The following KCNIP1 variants were observed in gnomAD, a reference collection of about 807,000 sequenced individuals.
The protein encoded by KCNIP1 is potassium voltage-gated channel interacting protein 1, also known as A-type potassium channel modulatory protein KCNIP1.
Under a neutral mutation model 33.0 loss-of-function variants are expected in KCNIP1, and 18 were observed. That is an observed-to-expected ratio of 0.55 (90% CI 0.38 to 0.81). The LOEUF (loss-of-function observed/expected upper bound fraction) is 0.81, where lower values mean the gene tolerates loss of function less well. Ranked by LOEUF, KCNIP1 falls within the 30% of genes least tolerant of loss-of-function variation. The pLI is 0.00. For missense variants in KCNIP1, 238 were observed against 271.6 expected, an observed-to-expected ratio of 0.88 and a Z score of 0.87; for synonymous variants, 93 against 98.3, an observed-to-expected ratio of 0.95 and a Z score of 0.32.
chr5:170,460,320 C>A (rs186039727), intron 1 of KCNIP1, among the ~76,000 whole-genome samples: 214 of 152,182 alleles, frequency 1.4e-3, no homozygotes, highest in African/African-American at 5.0e-3. Flanking sequence ...AAGAAGGAAA[C>A]CTCCCTAAAT....
At chr5:170,545,225 T>A (rs1246264564) in intron 1 of KCNIP1, among the ~76,000 whole-genome samples, 1 of 152,204 alleles carries the variant, frequency 6.6e-6, no homozygotes, top group Non-Finnish European at 1.5e-5. Flanking sequence ...TCCATCAGTG[T>A]TTGTTGAAAA....
chr5:170,529,025 A>T (rs529425242), intron 1 of KCNIP1, among the ~76,000 whole-genome samples: 1 of 152,294 alleles, frequency 6.6e-6, no homozygotes, highest in South Asian at 2.1e-4. Flanking sequence ...TGTTAGTCAG[A>T]ACCTTTTCAG....
Position 170,497,898 on chromosome 5 carries a change from G to A in KCNIP1, c.88+143934G>A, listed in dbSNP as rs142873431. On this transcript the variant is annotated intron_variant, in intron 1 of 7. Transcript: ENST00000377360. ...CAGCTCTGGTGGAGACTGTGGCAGC[G>A]CAGAAGCGTGCAGGGGGAATCCTCA... Among the ~76,000 whole-genome samples the A allele has an allele frequency of 1.2e-3, 183 of 152,342 alleles. 1 individual carries two copies. The highest frequency in any genetic ancestry group is 2.8e-3 in the Admixed American group (43 of 15,310).
chr5:170,472,901 AG>A (rs1203006547), intron 1 of KCNIP1, among the ~76,000 whole-genome samples: 7 of 152,202 alleles, frequency 4.6e-5, no homozygotes, highest in African/African-American at 1.7e-4. Context: ...TGTGTGTGCA[AG>A]TATCTTTTTC....
chr5:170,674,509 C>T (rs188488916), intron 1 of KCNIP1, among the ~76,000 whole-genome samples: 2 of 152,100 alleles, frequency 1.3e-5, no homozygotes, highest in African/African-American at 4.8e-5. Flanking sequence ...CATCGACTCC[C>T]GTTCTCCAGC....
chr5:170,671,072 A>T (rs1157612861), intron 1 of KCNIP1, among the ~76,000 whole-genome samples: 1 of 152,080 alleles, frequency 6.6e-6, no homozygotes, highest in Non-Finnish European at 1.5e-5. Context: ...CTGGAAGTTC[A>T]TACCCCACAA....
intron 1 of KCNIP1, among the ~76,000 whole-genome samples, chr5:170,447,888 A>G (rs1013686884): frequency 5.9e-5 from 9 of 151,500 alleles, no homozygotes; most frequent in Non-Finnish European, 7.4e-5. Flanking sequence ...GCCTTTGCAC[A>G]TGTCATTTCT....
intron 1 of KCNIP1, among the ~76,000 whole-genome samples, chr5:170,618,688 T>C (rs542988802): frequency 6.6e-6 from 1 of 152,304 alleles, no homozygotes; most frequent in Admixed American, 6.5e-5. Context: ...TGTGATTTTT[T>C]AGACCAATCA....
intron 1 of KCNIP1, chr5:170,681,340 G>C: frequency 2.6e-6 from 1 of 382,696 alleles, no homozygotes; most frequent in Non-Finnish European, 4.6e-6. Context: ...CTCCCCAGTC[G>C]CGCCCCAGTG....
chr5:170,421,020 T>G (rs1755474935), intron 1 of KCNIP1, among the ~76,000 whole-genome samples: 2 of 152,268 alleles, frequency 1.3e-5, no homozygotes, highest in South Asian at 4.1e-4. Flanking sequence ...GGTGGACAGA[T>G]GTTCCTTGCT....
At chr5:170,566,680 G>C (rs1333918962) in intron 1 of KCNIP1, among the ~76,000 whole-genome samples, 4 of 152,198 alleles carry the variant, frequency 2.6e-5, no homozygotes, top group African/African-American at 9.7e-5. Flanking sequence ...AGTGAGGAAG[G>C]CATGGATCAA....
intron 1 of KCNIP1, among the ~76,000 whole-genome samples, chr5:170,365,454 C>T (rs1763634600): frequency 6.6e-6 from 1 of 152,244 alleles, no homozygotes; most frequent in African/African-American, 2.4e-5. Flanking sequence ...GAACAGCCCT[C>T]CTCAGTTCTG....
chr5:170,387,821 G>T (rs1040679608), intron 1 of KCNIP1, among the ~76,000 whole-genome samples: 1 of 152,206 alleles, frequency 6.6e-6, no homozygotes, highest in African/African-American at 2.4e-5. Context: ...AGCCCCAACA[G>T]CCTGCTTCCC....
intron 1 of KCNIP1, among the ~76,000 whole-genome samples, chr5:170,583,667 A>G (rs1457492478): frequency 6.6e-6 from 1 of 152,138 alleles, no homozygotes; most frequent in Non-Finnish European, 1.5e-5. Flanking sequence ...GGCTCAATAA[A>G]CTTAAAATCT....
intron 2 of KCNIP1, 102 bp from the exon 3 acceptor site, chr5:170,720,219 T>A (rs1221930552): frequency 2.5e-6 from 2 of 798,700 alleles, no homozygotes; most frequent in Non-Finnish European, 4.4e-6. Context: ...CAGGTCCCTG[T>A]CCCTGGGGAT....
At chr5:170,526,675 G>T (rs1424101530) in intron 1 of KCNIP1, among the ~76,000 whole-genome samples, 1 of 151,136 alleles carries the variant, frequency 6.6e-6, no homozygotes, top group East Asian at 1.9e-4. Flanking sequence ...CCACTGATGG[G>T]ACACCTTTGC....
intron 5 of KCNIP1, among the ~76,000 whole-genome samples, chr5:170,729,606 G>A (rs979692029): frequency 2.0e-5 from 3 of 152,018 alleles, no homozygotes; most frequent in Non-Finnish European, 4.4e-5. Context: ...AATAGTTCAT[G>A]GGAAAATAAA....
chr5:170,395,208 TCCA>T (rs1267550939), intron 1 of KCNIP1, among the ~76,000 whole-genome samples: 1 of 152,218 alleles, frequency 6.6e-6, no homozygotes, highest in African/African-American at 2.4e-5. Flanking sequence ...AATTTATATT[TCCA>T]CCAACAGTGT....
intron 1 of KCNIP1, among the ~76,000 whole-genome samples, chr5:170,439,389 C>T (rs1255190726): frequency 2.6e-5 from 4 of 152,046 alleles, no homozygotes; most frequent in South Asian, 2.1e-4. Flanking sequence ...ACAAGGGCCC[C>T]GGGCTGGGCT....
Sources: gnomAD v4.1 joint callset for allele counts (sites outside exome capture counted in the v4.1 genomes callset) on GRCh38, gnomAD v4.1.1 for gene constraint, MANE v1.5 for transcripts, NCBI Gene and HGNC (gene_info 2026-07-23, HGNC 2026-07-21) for gene names.